The following FAAH2 variants were observed in gnomAD, a reference collection of about 807,000 sequenced individuals.
FAAH2 encodes fatty acid amide hydrolase 2.
Under a neutral mutation model 36.9 loss-of-function variants are expected in FAAH2, and 60 were observed. The observed-to-expected ratio is 1.63, with a 90% confidence interval of 1.32 to 2.02. The LOEUF is 2.02. Ranked by LOEUF, FAAH2 falls within the 30% of genes most tolerant of loss-of-function variation. The pLI is 0.00. For synonymous variants in FAAH2, 214 were observed against 143.8 expected (o/e 1.49, Z -3.49); for missense variants, 689 against 397.5 (o/e 1.73, Z -6.23).
the FAAH2 span, among the ~76,000 whole-genome samples, chrX:57,235,516 T>C: frequency 1.8e-5 from 2 of 112,015 alleles, no homozygotes; most frequent in Non-Finnish European, 3.8e-5. Context: ...ATTTTATATA[T>C]TTACACTTCA....
chrX:57,406,061 T>C (rs1458470627), intron 7 of FAAH2, among the ~76,000 whole-genome samples: 2 of 110,568 alleles, frequency 1.8e-5, no homozygotes, highest in Non-Finnish European at 3.8e-5. Context: ...TCCTTCTCAT[T>C]TGAAGCAGCT....
At chrX:57,272,677 A>T in the FAAH2 span, among the ~76,000 whole-genome samples, 17 of 112,358 alleles carry the variant, frequency 1.5e-4, no homozygotes, top group Admixed American at 2.8e-4. Context: ...GTGAAGAAGA[A>T]ATAAAATCCT....
In FAAH2 at chrX:57,488,893, G is replaced by GA. The variant is rs772763417; in HGVS notation, c.1564dup (p.Thr522AsnfsTer36). 2 of 1,210,932 alleles carry GA rather than the reference G, an allele frequency of 1.7e-6. No individual in the cohort carries two copies. The highest frequency in any genetic ancestry group is 2.2e-6 in the Non-Finnish European group (2 of 895,337). On this transcript the variant is annotated frameshift_variant, in exon 11 of 11. Transcript: ENST00000374900. LOFTEE classifies it high-confidence loss of function. ...CCCTGGCTGTGGCCCAGTACTTGGAGAAAACTTTTGGGGGCTGGGTCTGTC... is the reference window on the plus strand; with the variant it reads ...CCCTGGCTGTGGCCCAGTACTTGGAGAAAAACTTTTGGGGGCTGGGTCTGTC...
chrX:57,300,135 G>A (rs1465768647), intron 2 of FAAH2, among the ~76,000 whole-genome samples: 3 of 111,305 alleles, frequency 2.7e-5, no homozygotes, highest in Non-Finnish European at 5.7e-5. Flanking sequence ...CCAAAAAAGA[G>A]CCCGCATTGC....
intron 5 of FAAH2, among the ~76,000 whole-genome samples, chrX:57,352,142 A>T (rs1319655719): frequency 1.2e-5 from 1 of 80,641 alleles, no homozygotes; most frequent in Non-Finnish European, 2.4e-5. Flanking sequence ...ATATGTGTAT[A>T]TATATGCACA....
the FAAH2 span, among the ~76,000 whole-genome samples, chrX:57,260,346 A>T: frequency 8.9e-6 from 1 of 111,977 alleles, no homozygotes; most frequent in Non-Finnish European, 1.9e-5. Flanking sequence ...AATATTTTCA[A>T]CAAAATGTGC....
chrX:57,306,994 G>GATATATATATAT (rs770040896), intron 2 of FAAH2, among the ~76,000 whole-genome samples: 411 of 31,001 alleles, frequency 0.013, 143 homozygotes, highest in Middle Eastern at 0.1. Flanking sequence ...CACACACACA[G>GATATATATATAT]ATACATATAT....
At chrX:57,243,092 C>T in the FAAH2 span, among the ~76,000 whole-genome samples, 2 of 111,347 alleles carry the variant, frequency 1.8e-5, no homozygotes, top group African/African-American at 6.5e-5. Context: ...ATTACTAAGG[C>T]TTGAGTAGGC....
At chrX:57,422,558 C>A (rs183074558) in intron 7 of FAAH2, among the ~76,000 whole-genome samples, 3 of 111,741 alleles carry the variant, frequency 2.7e-5, no homozygotes, top group Admixed American at 1.9e-4. Flanking sequence ...TCACTGTACA[C>A]GCTGTGAAAT....
chrX:57,295,823 T>C (rs973455375), intron 2 of FAAH2, among the ~76,000 whole-genome samples: 1 of 112,360 alleles, frequency 8.9e-6, no homozygotes. Context: ...CGCACTTGGA[T>C]CAGAGGGTCC....
chrX:57,125,990 G>C, the FAAH2 span, among the ~76,000 whole-genome samples: 1 of 112,046 alleles, frequency 8.9e-6, no homozygotes, highest in Non-Finnish European at 1.9e-5. Flanking sequence ...GCAGTAGTGA[G>C]AATGTTCAAG....
intron 10 of FAAH2, among the ~76,000 whole-genome samples, chrX:57,477,639 C>G (rs1208204154): frequency 9.7e-6 from 1 of 103,096 alleles, no homozygotes; most frequent in Non-Finnish European, 2.0e-5. Context: ...TCCCTCCCCG[C>G]TCCCCCAACC....
At chrX:57,220,493 A>G in the FAAH2 span, among the ~76,000 whole-genome samples, 3 of 110,989 alleles carry the variant, frequency 2.7e-5, no homozygotes, top group Non-Finnish European at 5.7e-5. Context: ...TCCACCCCCA[A>G]TGTTTGGCTC....
chrX:57,127,608 A>G, the FAAH2 span, among the ~76,000 whole-genome samples: 1 of 112,090 alleles, frequency 8.9e-6, no homozygotes, highest in Non-Finnish European at 1.9e-5. Flanking sequence ...ATGCATTAAT[A>G]TTAGTTAAGA....
chrX:57,310,070 T>C (rs1225924845), intron 2 of FAAH2, among the ~76,000 whole-genome samples: 3 of 112,233 alleles, frequency 2.7e-5, no homozygotes, highest in African/African-American at 9.7e-5. Context: ...TTCCTTTACC[T>C]CTGTAGCCTC....
At chrX:57,428,068 A>T (rs1602629189) in intron 7 of FAAH2, among the ~76,000 whole-genome samples, 1 of 111,734 alleles carries the variant, frequency 8.9e-6, no homozygotes, top group Non-Finnish European at 1.9e-5. Context: ...AGGATACAAA[A>T]TCTATGTACA....
At chrX:57,154,199 CTG>C in the FAAH2 span, among the ~76,000 whole-genome samples, 1 of 109,488 alleles carries the variant, frequency 9.1e-6, no homozygotes, top group African/African-American at 3.3e-5. Flanking sequence ...CCTTTATTTC[CTG>C]AAGTTGTCAT....
chrX:57,396,279 T>C (rs928460954), intron 7 of FAAH2, among the ~76,000 whole-genome samples: 1 of 111,602 alleles, frequency 9.0e-6, no homozygotes, highest in African/African-American at 3.3e-5. Flanking sequence ...AACAAACTTT[T>C]CATTTTAATG....
intron 5 of FAAH2, among the ~76,000 whole-genome samples, chrX:57,363,641 C>G (rs983739582): frequency 9.0e-6 from 1 of 111,126 alleles, no homozygotes; most frequent in South Asian, 3.8e-4. Context: ...TTGTCTTTTT[C>G]CACTTCTCAA....
Sources: allele counts gnomAD v4.1 joint callset (sites outside exome capture counted in the v4.1 genomes callset), GRCh38; gene constraint gnomAD v4.1.1; transcripts MANE v1.5; gene names NCBI Gene and HGNC (gene_info 2026-07-23, HGNC 2026-07-21).